The following TENM3 variants were observed in gnomAD, a reference collection of about 807,000 sequenced individuals.
The protein encoded by TENM3 is teneurin transmembrane protein 3.
A neutral mutation model predicts 255.1 loss-of-function variants in TENM3; 63 were observed. The ratio of observed to expected loss-of-function variants is 0.25; its 90% CI spans 0.20 to 0.30. TENM3 has a LOEUF of 0.30. TENM3 is among the 10% of genes least tolerant of loss of function. TENM3 has a pLI of 1.00. For synonymous variants in TENM3, 1,306 were observed against 1,322.3 expected (o/e 0.99, Z 0.27); for missense variants, 2,929 against 3,461.1 (o/e 0.85, Z 3.86).
chr4:182,234,520 G>A (rs1193680379), intron 1 of TENM3, among the ~76,000 whole-genome samples: 2 of 152,130 alleles, frequency 1.3e-5, no homozygotes, highest in Admixed American at 6.5e-5. Flanking sequence ...ATCATTTGAG[G>A]TCAGGAGTTC....
chr4:182,568,046 C>T (rs1052670481), intron 3 of TENM3, among the ~76,000 whole-genome samples: 15 of 152,094 alleles, frequency 9.9e-5, no homozygotes, highest in Admixed American at 8.5e-4. Flanking sequence ...TAGAAGTAAG[C>T]GATAGAGCTT....
the TENM3 span, among the ~76,000 whole-genome samples, chr4:181,554,796 C>T: frequency 9.2e-5 from 14 of 152,284 alleles, no homozygotes; most frequent in South Asian, 2.9e-3. Context: ...GTGGCTGATA[C>T]GGAAGCAAGT....
chr4:181,534,461 G>A, the TENM3 span, among the ~76,000 whole-genome samples: 4 of 104,178 alleles, frequency 3.8e-5, no homozygotes, highest in East Asian at 9.8e-4. Flanking sequence ...CTTTCCCTGA[G>A]GTCTTCCCCC....
At chr4:181,557,114 A>G in the TENM3 span, among the ~76,000 whole-genome samples, 16 of 152,292 alleles carry the variant, frequency 1.1e-4, no homozygotes, top group African/African-American at 3.6e-4. Context: ...GGTCTACAGA[A>G]TAATACTGGA....
chr4:182,107,508 C>T, the TENM3 span, among the ~76,000 whole-genome samples: 2 of 152,176 alleles, frequency 1.3e-5, no homozygotes, highest in African/African-American at 4.8e-5. Flanking sequence ...TTCTTGAGAA[C>T]TGGAAGCGAA....
chr4:182,583,285 A>G (rs1316318259), intron 3 of TENM3, among the ~76,000 whole-genome samples: 1 of 152,058 alleles, frequency 6.6e-6, no homozygotes, highest in Non-Finnish European at 1.5e-5. Flanking sequence ...AAACTGATAA[A>G]GCATGACAGC....
rs763920847 is a variant in TENM3, at chr4:182,754,490, C to T, written c.4123C>T (p.Arg1375Cys). 2.7e-5 allele frequency: 43 copies of T among 1,613,584 alleles called. No individual in the cohort carries two copies. The Middle Eastern group carries it at 4.9e-4, about 19-fold the overall frequency. The change falls in exon 22 of 28, where the codon CGC (arginine) becomes TGC (cysteine). Residue 1375 changes from arginine (R) to cysteine (C), a missense_variant. By Grantham distance (180) the Arg-to-Cys change is radical. This residue lies in a region of TENM3 where 1,608 missense variants were observed against 1,884.4 expected (regional missense o/e 0.85). Transcript: ENST00000511685. The surrounding 1 kb of genome is among the most constrained non-coding windows in gnomAD (Gnocchi z 5.1). ...ACAGATCACTGAAAATCGTCAAGTT[C>T]GCATTGCTGCTGGACGGCCCATGCA... ...VLQITENRQV[R>C]IAAGRPMHCQ...
chr4:182,162,545 T>C (rs7438562), intron 1 of TENM3, among the ~76,000 whole-genome samples: 2,798 of 152,242 alleles, frequency 0.018, 80 homozygotes, highest in African/African-American at 0.063. Context: ...ATTTCCAAGT[T>C]GGTATTCTGA....
upstream of TENM3, among the ~76,000 whole-genome samples, chr4:182,240,007 A>G (rs559194911): frequency 6.6e-6 from 1 of 152,342 alleles, no homozygotes; most frequent in African/African-American, 2.4e-5. Flanking sequence ...TGGGAAAAAA[A>G]CAATACTGTA....
intron 3 of TENM3, among the ~76,000 whole-genome samples, chr4:182,419,971 A>G (rs1287547156): frequency 6.6e-6 from 1 of 152,098 alleles, no homozygotes; most frequent in African/African-American, 2.4e-5. Context: ...TACATATGTA[A>G]CAAACATGCA....
chr4:182,413,978 CAA>C (rs2151096204), intron 3 of TENM3, among the ~76,000 whole-genome samples: 1 of 152,228 alleles, frequency 6.6e-6, no homozygotes, highest in South Asian at 2.1e-4. Flanking sequence ...TCTGTTACCA[CAA>C]AAGTGTACTA....
At chr4:181,818,836 C>T in the TENM3 span, among the ~76,000 whole-genome samples, 2 of 152,166 alleles carry the variant, frequency 1.3e-5, no homozygotes, top group Non-Finnish European at 2.9e-5. Context: ...CTCCTGACCT[C>T]GGGTGATCCA....
intron 1 of TENM3, among the ~76,000 whole-genome samples, chr4:182,292,456 T>C (rs1761189340): frequency 6.6e-6 from 1 of 152,236 alleles, no homozygotes; most frequent in Non-Finnish European, 1.5e-5. Flanking sequence ...CCCTAAAATA[T>C]TTCTTGTTCT....
chr4:181,493,448 C>T, the TENM3 span, among the ~76,000 whole-genome samples: 6 of 151,764 alleles, frequency 4.0e-5, no homozygotes, highest in South Asian at 2.1e-4. Context: ...TATAGAGGTA[C>T]GACCAGGCGT....
At chr4:182,290,002 C>T (rs1761010669) in intron 1 of TENM3, among the ~76,000 whole-genome samples, 1 of 152,160 alleles carries the variant, frequency 6.6e-6, no homozygotes, top group South Asian at 2.1e-4. Flanking sequence ...CACTCCCGCT[C>T]GTGCCCTACG....
At chr4:182,299,362 A>G (rs1187466601) in intron 1 of TENM3, among the ~76,000 whole-genome samples, 1 of 152,214 alleles carries the variant, frequency 6.6e-6, no homozygotes, top group Non-Finnish European at 1.5e-5. Flanking sequence ...TCATTGAATC[A>G]ATATGGAGCA....
At chr4:182,361,681 C>T (rs1219990361) in intron 3 of TENM3, among the ~76,000 whole-genome samples, 11 of 151,086 alleles carry the variant, frequency 7.3e-5, no homozygotes, top group South Asian at 2.1e-4. Flanking sequence ...TCCTGTAGCT[C>T]GTAGTTTGAT....
At chr4:182,176,816 G>A (rs1016391848) in intron 1 of TENM3, among the ~76,000 whole-genome samples, 34 of 139,410 alleles carry the variant, frequency 2.4e-4, no homozygotes, top group African/African-American at 8.6e-4. Context: ...ATTAGCATCC[G>A]GCTAATTTTT....
chr4:182,561,922 A>G (rs931017353), intron 3 of TENM3, among the ~76,000 whole-genome samples: 4 of 152,046 alleles, frequency 2.6e-5, no homozygotes, highest in Non-Finnish European at 4.4e-5. Flanking sequence ...ACCAACCTAT[A>G]TAAGACATAT....
Sources: allele counts gnomAD v4.1 joint callset (sites outside exome capture counted in the v4.1 genomes callset), GRCh38; gene constraint gnomAD v4.1.1; regional missense constraint gnomAD v4.1.1; non-coding constraint Gnocchi (gnomAD v3.1); transcripts MANE v1.5; gene names NCBI Gene and HGNC (gene_info 2026-07-23, HGNC 2026-07-21).